Variants in PALLD observed in about 807,000 individuals in gnomAD.
PALLD encodes palladin.
A neutral mutation model predicts 123.5 loss-of-function variants in PALLD; 61 were observed. That is an observed-to-expected ratio of 0.49 (90% confidence interval 0.40 to 0.61). The LOEUF is 0.61. Among genes scored for constraint, PALLD ranks in the 20% least tolerant of loss-of-function variants. The pLI, the probability that PALLD is intolerant of heterozygous loss-of-function variation, is 0.00. For missense variants in PALLD, 1,273 were observed against 1,377.0 expected, an observed-to-expected ratio of 0.92 and a Z score of 1.20; for synonymous variants, 465 against 496.4, an observed-to-expected ratio of 0.94 and a Z score of 0.84.
intron 2 of PALLD, among the ~76,000 whole-genome samples, chr4:168,551,785 C>G (rs1421352879): frequency 2.6e-5 from 4 of 151,884 alleles, no homozygotes; most frequent in African/African-American, 9.7e-5. Context: ...AAGGACAACT[C>G]TCCACTAAAT....
intron 10 of PALLD, among the ~76,000 whole-genome samples, chr4:168,841,647 G>A (rs527918227): frequency 6.6e-6 from 1 of 152,276 alleles, no homozygotes; most frequent in African/African-American, 2.4e-5. Context: ...TCCTTCTGTG[G>A]CTCTATAATA....
At chr4:168,763,871 A>G (rs1733296155) in intron 10 of PALLD, among the ~76,000 whole-genome samples, 1 of 152,138 alleles carries the variant, frequency 6.6e-6, no homozygotes, top group South Asian at 2.1e-4. Flanking sequence ...TTCCTCCCCA[A>G]GCGAGCCTCA....
intron 10 of PALLD, among the ~76,000 whole-genome samples, chr4:168,769,842 A>G (rs1734158102): frequency 6.6e-6 from 1 of 152,204 alleles, no homozygotes; most frequent in Admixed American, 6.5e-5. Flanking sequence ...TCAAAGCCTG[A>G]TGTAAAATCT....
intron 2 of PALLD, among the ~76,000 whole-genome samples, chr4:168,661,624 G>T (rs1011546492): frequency 6.6e-6 from 1 of 152,158 alleles, no homozygotes; most frequent in African/African-American, 2.4e-5. Flanking sequence ...GCAAGGTTTG[G>T]CTCTCCAGTT....
chr4:168,680,661 A>C (rs951641911), intron 3 of PALLD, among the ~76,000 whole-genome samples: 4 of 152,258 alleles, frequency 2.6e-5, no homozygotes, highest in Middle Eastern at 3.4e-3. Context: ...AAAGAATATA[A>C]GTGACCCAAG....
chr4:168,626,215 A>G (rs1211592137), intron 2 of PALLD, among the ~76,000 whole-genome samples: 3 of 151,920 alleles, frequency 2.0e-5, no homozygotes, highest in Non-Finnish European at 4.4e-5. Flanking sequence ...CCTGGCTAAC[A>G]CAGTGAAACC....
chr4:168,573,794 G>A (rs1424305516), intron 2 of PALLD, among the ~76,000 whole-genome samples: 1 of 152,068 alleles, frequency 6.6e-6, no homozygotes, highest in Non-Finnish European at 1.5e-5. Flanking sequence ...ACCATTATTG[G>A]TGTGGAAAAA....
chr4:168,718,822 G>A (rs932223506), intron 10 of PALLD, among the ~76,000 whole-genome samples: 2 of 151,962 alleles, frequency 1.3e-5, no homozygotes, highest in African/African-American at 4.8e-5. Context: ...TTTCATGTGA[G>A]TAATTAAAAA....
intron 2 of PALLD, among the ~76,000 whole-genome samples, chr4:168,615,403 C>T (rs1774129581): frequency 1.3e-5 from 2 of 152,212 alleles, no homozygotes; most frequent in South Asian, 4.1e-4. Context: ...ATCATGAAGA[C>T]ATTTCTCCTT....
At chr4:168,865,504 G>C (rs1350058126) in intron 10 of PALLD, among the ~76,000 whole-genome samples, 1 of 152,144 alleles carries the variant, frequency 6.6e-6, no homozygotes, top group Non-Finnish European at 1.5e-5. Flanking sequence ...AGATCCAACT[G>C]TGCATTCCTC....
chr4:168,880,291 G>A (rs369397067), intron 10 of PALLD, among the ~76,000 whole-genome samples: 58 of 152,250 alleles, frequency 3.8e-4, no homozygotes, highest in Admixed American at 1.0e-3. Flanking sequence ...GAGTCCAGTC[G>A]TTCCTGCCAT....
intron 2 of PALLD, among the ~76,000 whole-genome samples, chr4:168,543,392 C>T (rs1392207486): frequency 2.0e-5 from 3 of 149,648 alleles, no homozygotes; most frequent in African/African-American, 7.4e-5. Flanking sequence ...TTAAGTTTAA[C>T]TGGGCTTACT....
rs1754691106 is a variant in PALLD at position 168,894,469 on chromosome 4, A to G, written c.2101-110A>G. 4.1e-6 allele frequency: 3 copies of G among 738,584 alleles called. No homozygotes were observed. In the African/African-American group the frequency reaches 5.2e-5, roughly 13 times the overall value. The allele number at this position is 738,584 out of a possible 1,614,324, so 45.8% of individuals were successfully genotyped here. A position where few individuals can be genotyped will look rare whatever the true frequency, so the allele number is the denominator to read the frequency against. ...GCAGGTATCTGAAGCTGGAGAGAGA[A>G]CACTTACAGAAAATCATGAAAGTGT... On this transcript the variant is annotated intron_variant, in intron 11 of 21. Transcript: ENST00000505667.
chr4:168,670,739 C>CAA lies in PALLD; in HGVS notation c.1087+2377_1087+2378dup, dbSNP rs752284669. On this transcript the variant is annotated intron_variant, in intron 3 of 21. Transcript: ENST00000505667. ...TGGGCGACAGAGCGAGACTCCGTCT[C>CAA]AAAAAAACAAAAAAAACAAAAAAAA... Among the ~76,000 whole-genome samples the CAA allele has an allele frequency of 1.2e-3, 54 of 45,050 alleles. 2 individuals are homozygous for CAA. Among genetic ancestry groups the CAA allele is most frequent in the African/African-American group, 6.2e-3 (47 of 7,634 alleles). 29.6% of individuals were successfully genotyped at this position (45,050 alleles called of 152,430 possible).
At chr4:168,837,750 A>C (rs1358880266) in intron 10 of PALLD, among the ~76,000 whole-genome samples, 2 of 152,236 alleles carry the variant, frequency 1.3e-5, no homozygotes, top group Non-Finnish European at 2.9e-5. Flanking sequence ...CTGGGACCTC[A>C]TTAATTCAAC....
At chr4:168,600,121 A>G (rs116461905) in intron 2 of PALLD, among the ~76,000 whole-genome samples, 1,563 of 152,116 alleles carry the variant, frequency 0.01, 34 homozygotes, top group African/African-American at 0.035. Context: ...ATATACATAC[A>G]TGTGTATACA....
intron 2 of PALLD, among the ~76,000 whole-genome samples, chr4:168,564,526 A>G (rs1326514256): frequency 3.3e-5 from 5 of 152,212 alleles, no homozygotes; most frequent in African/African-American, 7.2e-5. Flanking sequence ...ATAATCTAAA[A>G]TTGTGGATAG....
chr4:168,812,845 C>CTA (rs2150749667), intron 10 of PALLD, among the ~76,000 whole-genome samples: 1 of 152,268 alleles, frequency 6.6e-6, no homozygotes, highest in South Asian at 2.1e-4. Flanking sequence ...TTGATGGCAA[C>CTA]TATTTTCCTT....
At chr4:168,750,827 G>A (rs1228866181) in intron 10 of PALLD, among the ~76,000 whole-genome samples, 2 of 151,986 alleles carry the variant, frequency 1.3e-5, no homozygotes, top group Non-Finnish European at 2.9e-5. Flanking sequence ...ACTTCTAACT[G>A]GAATTGTTCT....
Sources: gnomAD v4.1 joint callset for allele counts (sites outside exome capture counted in the v4.1 genomes callset) on GRCh38, gnomAD v4.1.1 for gene constraint, MANE v1.5 for transcripts, NCBI Gene and HGNC (gene_info 2026-07-23, HGNC 2026-07-21) for gene names.